Variants in RBM46 observed in about 807,000 individuals in gnomAD.
RBM46 encodes RNA binding motif protein 46.
A neutral mutation model predicts 43.3 loss-of-function variants in RBM46; 12 were observed. The observed-to-expected ratio is 0.28, with a 90% confidence interval of 0.18 to 0.45. RBM46 has a LOEUF of 0.45. RBM46 is among the 20% of genes least tolerant of loss of function. The pLI, the probability that RBM46 is intolerant of heterozygous loss-of-function variation, is 1.00. For missense variants in RBM46, 412 were observed against 639.1 expected, an observed-to-expected ratio of 0.64 and a Z score of 3.83; for synonymous variants, 205 against 207.6, an observed-to-expected ratio of 0.99 and a Z score of 0.11.
chr4:154,798,013 C>A lies in RBM46; in HGVS notation c.354C>A (p.Ile118=), dbSNP rs750760222. ...CAAAAGAAGAAGCCCAATTAGCCAT[C>A]AGAATTCTTAATAATTATGAAATTC... ...YTTKEEAQLA[I]RILNNYEIRP... The change falls in exon 3 of 5, where the codon ATC becomes ATA. Residue 118 remains isoleucine, a synonymous_variant. Transcript: ENST00000281722. 2 of 1,613,444 alleles carry A rather than the reference C, an allele frequency of 1.2e-6. No individual in the cohort carries two copies. Among genetic ancestry groups the A allele is most frequent in the Middle Eastern group, 1.6e-4 (1 of 6,062 alleles).
At chr4:154,808,897 T>C (rs1489247540) in intron 4 of RBM46, among the ~76,000 whole-genome samples, 1 of 152,068 alleles carries the variant, frequency 6.6e-6, no homozygotes, top group Non-Finnish European at 1.5e-5. Flanking sequence ...ACCAGAACAT[T>C]GAAACATTAT....
intron 1 of RBM46, among the ~76,000 whole-genome samples, chr4:154,793,646 G>A (rs1044868235): frequency 1.3e-5 from 2 of 152,126 alleles, no homozygotes; most frequent in Non-Finnish European, 2.9e-5. Flanking sequence ...GCCTGCAGGT[G>A]TTTTGTTTGG....
In RBM46 at chr4:154,797,899, A is replaced by T. The variant is rs200423373; in HGVS notation, c.240A>T (p.Val80=). Residue 80 remains valine (V), a synonymous_variant, in exon 3 of 5, where the codon GTA becomes GTT. Transcript: ENST00000281722. ...RDMYEDELVP[V]FERAGKIYEF... is the part of the protein sequence containing the mutation. ...TGTATGAAGATGAGTTAGTTCCTGTATTTGAAAGAGCTGGGAAGATATATG... is the reference window on the plus strand; with the variant it reads ...TGTATGAAGATGAGTTAGTTCCTGTTTTTGAAAGAGCTGGGAAGATATATG... 174 of 1,609,044 alleles carry T rather than the reference A, an allele frequency of 1.1e-4. No homozygotes were observed. The highest frequency in any genetic ancestry group is 1.4e-4 in the Non-Finnish European group (165 of 1,178,724).
intron 1 of RBM46, among the ~76,000 whole-genome samples, chr4:154,784,618 T>A (rs1308643370): frequency 1.3e-5 from 2 of 152,312 alleles, no homozygotes; most frequent in East Asian, 3.9e-4. Flanking sequence ...AAAATACATA[T>A]CTGAAAGCTA....
intron 1 of RBM46, among the ~76,000 whole-genome samples, chr4:154,786,931 A>G (rs1372594193): frequency 6.6e-6 from 1 of 152,236 alleles, no homozygotes; most frequent in East Asian, 1.9e-4. Context: ...CTTCTTGGAA[A>G]ACAAAAACAA....
At chr4:154,790,482 C>A (rs955373918) in intron 1 of RBM46, 1 of 152,114 alleles carries the variant, frequency 6.6e-6, no homozygotes, top group African/African-American at 2.4e-5. Context: ...TGGTGCATTC[C>A]CCTCGGGGGA....
At chr4:154,816,099 C>T (rs1735430269) in intron 4 of RBM46, among the ~76,000 whole-genome samples, 2 of 152,044 alleles carry the variant, frequency 1.3e-5, no homozygotes, top group African/African-American at 4.8e-5. Flanking sequence ...CATTCTATTC[C>T]ATTGATCTGT....
chr4:154,783,098 C>T (rs1400298805), intron 1 of RBM46, among the ~76,000 whole-genome samples: 4 of 152,116 alleles, frequency 2.6e-5, no homozygotes, highest in Non-Finnish European at 5.9e-5. Flanking sequence ...CATCTGTCTG[C>T]ATTTGTTTGC....
At chr4:154,800,614 C>T (rs1734587973) in intron 4 of RBM46, among the ~76,000 whole-genome samples, 1 of 146,860 alleles carries the variant, frequency 6.8e-6, no homozygotes, top group Non-Finnish European at 1.5e-5. Flanking sequence ...CCTCCCCCCT[C>T]CTCCACCCCC....
rs1339747416 is a variant in RBM46, at chr4:154,799,462, G to C, written c.1300G>C (p.Ala434Pro). Residue 434 changes from alanine to proline, a missense_variant, in exon 4 of 5, where the codon GCT (alanine) becomes CCT (proline). Transcript: ENST00000281722. The part of the protein sequence containing the change: ...VLLVYKIVIP[A>P]IANGSQSYFM... ...CTTGGTGTATAAGATAGTTATTCCT[G>C]CTATTGCAAATGGATCCCAGAGTTA... is the stretch of plus-strand genomic sequence containing the variant. 6.2e-7 allele frequency: 1 copy of C among 1,613,628 alleles called. No homozygotes were observed. The highest frequency in any genetic ancestry group is 8.5e-7 in the Non-Finnish European group (1 of 1,179,838).
intron 4 of RBM46, among the ~76,000 whole-genome samples, chr4:154,811,867 G>A (rs1735198407): frequency 6.6e-6 from 1 of 151,994 alleles, no homozygotes; most frequent in African/African-American, 2.4e-5. Flanking sequence ...TTTTAGTAGA[G>A]ACGGGGTTTC....
chr4:154,805,217 C>A (rs1734852628), intron 4 of RBM46, among the ~76,000 whole-genome samples: 1 of 152,040 alleles, frequency 6.6e-6, no homozygotes, highest in African/African-American at 2.4e-5. Context: ...TTTCATTAGT[C>A]CTGTTTCTTA....
chr4:154,827,650 C>T, intron 4 of RBM46: 1 of 1,350,538 alleles, frequency 7.4e-7, no homozygotes, highest in South Asian at 1.9e-5. Context: ...ATCTCTGAAA[C>T]ATTGCGTGAG....
chr4:154,800,787 C>G, intron 4 of RBM46, among the ~76,000 whole-genome samples: 1 of 152,146 alleles, frequency 6.6e-6, no homozygotes, highest in Middle Eastern at 3.4e-3. Flanking sequence ...TGAAACTCTT[C>G]ACTGAAAATT....
chr4:154,785,847 C>G (rs530446285), intron 1 of RBM46, among the ~76,000 whole-genome samples: 10 of 152,090 alleles, frequency 6.6e-5, no homozygotes, highest in Non-Finnish European at 1.5e-4. Flanking sequence ...AAGCAGGACT[C>G]TTCACCGTAT....
chr4:154,824,393 T>C (rs1276431544), intron 4 of RBM46, among the ~76,000 whole-genome samples: 1 of 152,098 alleles, frequency 6.6e-6, no homozygotes, highest in Admixed American at 6.6e-5. Flanking sequence ...ACCAAAAGAT[T>C]TGTATAAAAG....
At chr4:154,805,749 A>C (rs1310259719) in intron 4 of RBM46, among the ~76,000 whole-genome samples, 1 of 152,016 alleles carries the variant, frequency 6.6e-6, no homozygotes, top group Non-Finnish European at 1.5e-5. Flanking sequence ...CTTTGAAATA[A>C]AGAGAAACTT....
At chr4:154,817,095 T>A (rs1232693007) in intron 4 of RBM46, among the ~76,000 whole-genome samples, 1 of 152,120 alleles carries the variant, frequency 6.6e-6, no homozygotes, top group African/African-American at 2.4e-5. Flanking sequence ...TTTTTACATC[T>A]GTGTTCATTA....
At chr4:154,806,997 T>C (rs1333093100) in intron 4 of RBM46, among the ~76,000 whole-genome samples, 6 of 151,856 alleles carry the variant, frequency 4.0e-5, no homozygotes, top group Non-Finnish European at 1.5e-5. Flanking sequence ...TAATGTCTGG[T>C]TAATACGGTC....
Sources: allele counts gnomAD v4.1 joint callset (sites outside exome capture counted in the v4.1 genomes callset), GRCh38; gene constraint gnomAD v4.1.1; transcripts MANE v1.5; gene names NCBI Gene and HGNC (gene_info 2026-07-23, HGNC 2026-07-21).